Variants in TMEM225B observed in about 807,000 individuals in gnomAD.
TMEM225B encodes transmembrane protein 225B, also known as transmembrane protein 225-like.
In TMEM225B, 10 loss-of-function variants were observed where a neutral mutation model predicts 16.9. That is an observed-to-expected ratio of 0.59 (90% CI 0.36 to 1.00). The LOEUF is 1.00. Among genes scored for constraint, TMEM225B ranks in the 50% least tolerant of loss-of-function variants. TMEM225B has a pLI of 0.01. For missense variants in TMEM225B, 217 were observed against 267.0 expected (o/e 0.81, Z 1.30); for synonymous variants, 92 against 109.8 (o/e 0.84, Z 1.01).
chr7:99,606,968 T>A, intron 4 of TMEM225B, 74 bp downstream of exon 4: 1 of 1,478,676 alleles, frequency 6.8e-7, no homozygotes, highest in South Asian at 1.2e-5. Flanking sequence ...GGGTGCTCAG[T>A]CTCTGTGATG....
chr7:99,599,258 A>G (rs1189598282), intron 1 of TMEM225B, among the ~76,000 whole-genome samples: 2 of 150,828 alleles, frequency 1.3e-5, no homozygotes, highest in Non-Finnish European at 2.9e-5. Flanking sequence ...TACAGGCGTG[A>G]GCCACCGCAC....
At chr7:99,604,737 T>A in intron 3 of TMEM225B, 141 bp downstream of exon 3, 1 of 712,596 alleles carries the variant, frequency 1.4e-6, no homozygotes, top group South Asian at 1.8e-5. Context: ...CTTGCACTTG[T>A]AATCCCAGCA....
intron 5 of TMEM225B, among the ~76,000 whole-genome samples, chr7:99,608,858 T>TATATACACAC (rs536627768): frequency 6.9e-6 from 1 of 144,388 alleles, no homozygotes; most frequent in African/African-American, 2.8e-5. Context: ...TATATATATA[T>TATATACACAC]ACACACACAC....
At chr7:99,607,549 A>G in intron 4 of TMEM225B, 124 bp from the exon 5 acceptor site, 1 of 874,178 alleles carries the variant, frequency 1.1e-6, no homozygotes, top group South Asian at 1.8e-5. Flanking sequence ...TCTGGGTAGG[A>G]GTTTTGTTTC....
intron 5 of TMEM225B, among the ~76,000 whole-genome samples, chr7:99,609,097 G>A (rs1806117989): frequency 6.6e-6 from 1 of 151,924 alleles, no homozygotes; most frequent in Non-Finnish European, 1.5e-5. Context: ...AACCCAGGAG[G>A]TGGAGGTTGC....
In TMEM225B at chr7:99,600,237, T is replaced by A. The variant is rs1015448801; in HGVS notation, c.-52T>A. 1 of 702,998 alleles carries A rather than the reference T, an allele frequency of 1.4e-6. No individual in the cohort carries two copies. The allele number at this position is 702,998 out of a possible 1,614,324, so 43.5% of individuals were successfully genotyped here. On this transcript the variant is annotated 5_prime_UTR_variant, in exon 2 of 6. Coordinates refer to ENST00000431679, the MANE Select transcript of TMEM225B (RefSeq NM_001195541.3). ...AAGAGCCTCTGAGTTCCTGCCTTTTTTCATCTCTGAATCCCCACCATTGGC... is the reference window on the plus strand; with the variant it reads ...AAGAGCCTCTGAGTTCCTGCCTTTTATCATCTCTGAATCCCCACCATTGGC...
Position 99,600,236 on chromosome 7 carries a change from T to C in TMEM225B, c.-53T>C. The C allele has an allele frequency of 1.4e-6, 1 of 702,982 alleles. No individual in the cohort carries two copies. Among genetic ancestry groups the C allele is most frequent in the Non-Finnish European group, 2.6e-6 (1 of 384,988 alleles). 43.5% of individuals were successfully genotyped at this position (702,982 alleles called of 1,614,324 possible). A position where few individuals can be genotyped will look rare whatever the true frequency, so the allele number is the denominator to read the frequency against. The stretch of plus-strand genomic sequence containing the variant: ...CAAGAGCCTCTGAGTTCCTGCCTTT[T>C]TTCATCTCTGAATCCCCACCATTGG... On this transcript the variant is annotated 5_prime_UTR_variant, in exon 2 of 6. Transcript: ENST00000431679.
At chr7:99,602,173 C>T (rs923190703) in intron 2 of TMEM225B, among the ~76,000 whole-genome samples, 2 of 152,264 alleles carry the variant, frequency 1.3e-5, no homozygotes, top group African/African-American at 4.8e-5. Flanking sequence ...AGGGTCATCA[C>T]AGTGCCACCT....
At chr7:99,608,758 CACACACAT>C (rs1806054645) in intron 5 of TMEM225B, among the ~76,000 whole-genome samples, 1 of 144,948 alleles carries the variant, frequency 6.9e-6, no homozygotes, top group African/African-American at 2.7e-5. Flanking sequence ...CACACACACA[CACACACAT>C]ATTTATATAT....
At chr7:99,609,723 C>T (rs768837811) in intron 5 of TMEM225B, among the ~76,000 whole-genome samples, 26 of 150,614 alleles carry the variant, frequency 1.7e-4, no homozygotes, top group South Asian at 2.1e-4. Context: ...TGTGAGCCAC[C>T]GCGCCCGGCC....
intron 2 of TMEM225B, among the ~76,000 whole-genome samples, chr7:99,603,150 T>A (rs1805498106): frequency 6.6e-6 from 1 of 152,196 alleles, no homozygotes; most frequent in Non-Finnish European, 1.5e-5. Flanking sequence ...CAGAACTCTT[T>A]GTAAAACTTC....
rs75795469 is a variant in TMEM225B at position 99,603,297 on chromosome 7, T to A, written c.-3-1089T>A. Among the ~76,000 whole-genome samples, 534 of 152,258 alleles carry A rather than the reference T, an allele frequency of 3.5e-3. 4 individuals are homozygous for A. Among genetic ancestry groups the A allele is most frequent in the African/African-American group, 0.012 (510 of 41,542 alleles). On this transcript the variant is annotated intron_variant, in intron 2 of 5. Transcript: ENST00000431679. The stretch of plus-strand genomic sequence containing the variant: ...GGCACCTAAGGCTCTGGTCTGAATA[T>A]CTCCCCTTGGTTCTCAGTCTGAAAT...
Position 99,600,207 on chromosome 7 carries a change from G to A in TMEM225B, c.-82G>A. ...TGTTTCTGTGTCTCTCTCCCTAGCAGTTCCAAGAGCCTCTGAGTTCCTGCC... is the reference window on the plus strand; with the variant it reads ...TGTTTCTGTGTCTCTCTCCCTAGCAATTCCAAGAGCCTCTGAGTTCCTGCC... On this transcript the variant is annotated splice_region_variant and 5_prime_UTR_variant, in exon 2 of 6. Transcript: ENST00000431679. 1.4e-6 allele frequency: 1 copy of A among 703,002 alleles called. No individual in the cohort carries two copies. Among genetic ancestry groups the A allele is most frequent in the Non-Finnish European group, 2.6e-6 (1 of 384,986 alleles). The allele number at this position is 703,002 out of a possible 1,614,324, so 43.5% of individuals were successfully genotyped here.
At chr7:99,608,858 TACAC>T (rs1554405762) in intron 5 of TMEM225B, among the ~76,000 whole-genome samples, 12 of 144,346 alleles carry the variant, frequency 8.3e-5, no homozygotes, top group South Asian at 4.3e-4. Flanking sequence ...TATATATATA[TACAC>T]ACACACATAT....
At chr7:99,609,229 A>G (rs1806127909) in intron 5 of TMEM225B, among the ~76,000 whole-genome samples, 1 of 152,092 alleles carries the variant, frequency 6.6e-6, no homozygotes, top group South Asian at 2.1e-4. Flanking sequence ...CCTTCACCAA[A>G]TAGAGTTACA....
At chr7:99,610,254 G>T in intron 5 of TMEM225B, 139 bp from the exon 6 acceptor site, 1 of 603,774 alleles carries the variant, frequency 1.7e-6, no homozygotes, top group Admixed American at 2.9e-5. Flanking sequence ...GACGCATCCT[G>T]TCTGTAATCT....
intron 2 of TMEM225B, 102 bp from the exon 3 acceptor site, chr7:99,604,284 C>T: frequency 2.7e-6 from 2 of 737,848 alleles, no homozygotes; most frequent in African/African-American, 1.7e-5. Flanking sequence ...ATATGCGCCA[C>T]ACACAGCACT....
chr7:99,605,398 T>C (rs1160512583), intron 3 of TMEM225B: 1 of 144,588 alleles, frequency 6.9e-6, no homozygotes, highest in African/African-American at 2.6e-5. Flanking sequence ...TTCTGAGTAG[T>C]TGGGACTACC....
chr7:99,600,333 G>C (rs917214653), intron 2 of TMEM225B, 48 bp downstream of exon 2: 1 of 702,390 alleles, frequency 1.4e-6, no homozygotes, highest in East Asian at 2.7e-5. Flanking sequence ...GGAGGGCTGC[G>C]TGGAGTGGAC....
Sources: allele counts gnomAD v4.1 joint callset (sites outside exome capture counted in the v4.1 genomes callset), GRCh38; gene constraint gnomAD v4.1.1; transcripts MANE v1.5; gene names NCBI Gene and HGNC (gene_info 2026-07-23, HGNC 2026-07-21).